The following NAV2 variants were observed in gnomAD, a reference collection of about 807,000 sequenced individuals.
The protein encoded by NAV2 is neuron navigator 2.
Under a neutral mutation model 223.2 loss-of-function variants are expected in NAV2, and 54 were observed. The observed-to-expected ratio is 0.24, with a 90% CI of 0.19 to 0.30. The LOEUF (loss-of-function observed/expected upper bound fraction) is 0.30, where lower values mean the gene tolerates loss of function less well. Ranked by LOEUF, NAV2 falls within the 10% of genes least tolerant of loss-of-function variation. NAV2 has a pLI of 1.00. For missense variants in NAV2, 2,806 were observed against 3,147.5 expected (o/e 0.89, Z 2.60); for synonymous variants, 1,279 against 1,239.3 (o/e 1.03, Z -0.67).
At chr11:19,599,677 T>G (rs80070594) in intron 1 of NAV2, among the ~76,000 whole-genome samples, 1,933 of 152,304 alleles carry the variant, frequency 0.013, 48 homozygotes, top group East Asian at 0.063. Flanking sequence ...AAGGAATGCT[T>G]CTGTAATCTA....
chr11:20,018,353 CAAAAAA>C lies in NAV2; in HGVS notation c.2769-17590_2769-17585del, dbSNP rs34251713. 5.0e-3 allele frequency among the ~76,000 whole-genome samples: 443 copies of C among 87,994 alleles called. 1 individual carries two copies. Among genetic ancestry groups the C allele is most frequent in the Non-Finnish European group, 6.9e-3 (342 of 49,570 alleles). 57.7% of individuals were successfully genotyped at this position (87,994 alleles called of 152,430 possible). A position where few individuals can be genotyped will look rare whatever the true frequency, so the allele number is the denominator to read the frequency against. On this transcript the variant is annotated intron_variant, in intron 11 of 37. Transcript: ENST00000349880. ...TGGGCGACAGAGTGAGATTCCATCT[CAAAAAA>C]AAAAAAAAAAAAAAAGTGAAACTAA...
chr11:20,021,071 C>G (rs1264260283), intron 11 of NAV2, among the ~76,000 whole-genome samples: 3 of 152,196 alleles, frequency 2.0e-5, no homozygotes, highest in African/African-American at 7.2e-5. Context: ...CCTGCCATAG[C>G]CAGCCCATGT....
At chr11:20,022,450 C>A (rs1043031369) in intron 11 of NAV2, 33 of 639,878 alleles carry the variant, frequency 5.2e-5, no homozygotes, top group Non-Finnish European at 1.6e-5. Flanking sequence ...TTTTTGTTGG[C>A]ACTGCATCAA....
intron 1 of NAV2, among the ~76,000 whole-genome samples, chr11:19,756,068 A>G (rs1180951520): frequency 1.3e-5 from 2 of 152,156 alleles, no homozygotes; most frequent in African/African-American, 4.8e-5. Flanking sequence ...GGCAACTTTC[A>G]TTTAACCTAG....
At chr11:20,048,530 G>A (rs773555460) in intron 14 of NAV2, among the ~76,000 whole-genome samples, 198 bp from the exon 15 acceptor site, 4 of 152,116 alleles carry the variant, frequency 2.6e-5, no homozygotes, top group South Asian at 2.1e-4. Flanking sequence ...ATTTGAAGAC[G>A]GCAGCCTGTG....
intron 10 of NAV2, chr11:19,979,110 G>T (rs1367933003): frequency 1.3e-5 from 2 of 152,152 alleles, no homozygotes; most frequent in Non-Finnish European, 2.9e-5. Context: ...CTGGAGGGAT[G>T]GTGAGGACTA....
At chr11:19,939,544 T>C (rs746249454) in intron 7 of NAV2, 117 bp from the exon 8 acceptor site, 3 of 688,282 alleles carry the variant, frequency 4.4e-6, no homozygotes, top group Admixed American at 4.8e-5. Flanking sequence ...TGGTCCACTC[T>C]GTTCTGAAGC....
At chr11:19,902,286 C>G (rs183994924) in intron 6 of NAV2, among the ~76,000 whole-genome samples, 4 of 152,134 alleles carry the variant, frequency 2.6e-5, no homozygotes, top group Non-Finnish European at 4.4e-5. Flanking sequence ...TTTAAAAGAG[C>G]CTTCAGAAGA....
chr11:19,540,326 C>T (rs994492645), intron 1 of NAV2, among the ~76,000 whole-genome samples: 3 of 152,206 alleles, frequency 2.0e-5, no homozygotes, highest in Non-Finnish European at 4.4e-5. Flanking sequence ...TTCTCTATTT[C>T]ATTCTTCACA....
intron 10 of NAV2, among the ~76,000 whole-genome samples, chr11:19,961,445 C>G (rs1004239545): frequency 6.6e-6 from 1 of 152,160 alleles, no homozygotes; most frequent in African/African-American, 2.4e-5. Flanking sequence ...CTGAGACAGT[C>G]GGCCCATGTT....
intron 1 of NAV2, among the ~76,000 whole-genome samples, chr11:19,551,556 C>T (rs1028792374): frequency 6.6e-6 from 1 of 152,234 alleles, no homozygotes; most frequent in African/African-American, 2.4e-5. Flanking sequence ...CTGTCAGCTC[C>T]CTCCCTGTTA....
At chr11:19,844,375 A>G (rs972468654) in intron 3 of NAV2, among the ~76,000 whole-genome samples, 2 of 152,124 alleles carry the variant, frequency 1.3e-5, no homozygotes, top group African/African-American at 4.8e-5. Flanking sequence ...CTTTTATTCT[A>G]TTTGGTGCAC....
At chr11:19,346,381 C>T (rs984205034), upstream of NAV2, among the ~76,000 whole-genome samples, 8 of 152,200 alleles carry the variant, frequency 5.3e-5, no homozygotes, top group South Asian at 1.4e-3. Flanking sequence ...GGCAACTAGG[C>T]CAGGCCTGCG....
At chr11:19,806,441 C>G (rs968586965) in intron 1 of NAV2, among the ~76,000 whole-genome samples, 1 of 152,230 alleles carries the variant, frequency 6.6e-6, no homozygotes, top group Non-Finnish European at 1.5e-5. Context: ...AAATTTGGAA[C>G]ATGATCAGGC....
intron 1 of NAV2, among the ~76,000 whole-genome samples, chr11:19,478,421 A>C (rs2042182788): frequency 6.6e-6 from 1 of 152,184 alleles, no homozygotes; most frequent in South Asian, 2.1e-4. Flanking sequence ...ACGATATCAA[A>C]GCAACGGACA....
At chr11:19,666,104 A>T (rs1490538049) in intron 1 of NAV2, among the ~76,000 whole-genome samples, 1 of 152,248 alleles carries the variant, frequency 6.6e-6, no homozygotes, top group Non-Finnish European at 1.5e-5. Flanking sequence ...AGCTTTCAAG[A>T]GGCTAAACAG....
chr11:19,569,344 C>T (rs932652387), intron 1 of NAV2, among the ~76,000 whole-genome samples: 3 of 152,152 alleles, frequency 2.0e-5, no homozygotes, highest in Admixed American at 2.0e-4. Context: ...CAAGCTGGTT[C>T]CTTGTCTATT....
chr11:19,540,627 CAA>C (rs1267072558), intron 1 of NAV2, among the ~76,000 whole-genome samples: 1 of 152,220 alleles, frequency 6.6e-6, no homozygotes, highest in East Asian at 1.9e-4. Flanking sequence ...GCTATTTTCC[CAA>C]AGTGTGTTTC....
At chr11:19,910,729 G>A (rs2043237236) in intron 6 of NAV2, among the ~76,000 whole-genome samples, 1 of 152,074 alleles carries the variant, frequency 6.6e-6, no homozygotes, top group Non-Finnish European at 1.5e-5. Flanking sequence ...GTGGTGGTAT[G>A]TGCCTGTAAT....
Sources: gnomAD v4.1 joint callset for allele counts (sites outside exome capture counted in the v4.1 genomes callset) on GRCh38, gnomAD v4.1.1 for gene constraint, MANE v1.5 for transcripts, NCBI Gene and HGNC (gene_info 2026-07-23, HGNC 2026-07-21) for gene names.